The following SOX5 variants were observed in gnomAD, a reference collection of about 807,000 sequenced individuals.
SOX5 encodes transcription factor SOX-5.
Under a neutral mutation model 92.0 loss-of-function variants are expected in SOX5, and 9 were observed. The observed-to-expected ratio is 0.10, with a 90% CI of 0.06 to 0.17. SOX5 has a LOEUF of 0.17. SOX5 is among the 10% of genes least tolerant of loss of function. The pLI, the probability that SOX5 is intolerant of heterozygous loss-of-function variation, is 1.00. For synonymous variants in SOX5, 344 were observed against 336.3 expected (o/e 1.02, Z -0.25); for missense variants, 642 against 944.5 (o/e 0.68, Z 4.20).
intron 4 of SOX5, among the ~76,000 whole-genome samples, chr12:24,010,541 A>G (rs1952793436): frequency 6.6e-6 from 1 of 152,250 alleles, no homozygotes; most frequent in African/African-American, 2.4e-5. Context: ...CACAATCATA[A>G]TCCAGGGCCA....
intron 4 of SOX5, among the ~76,000 whole-genome samples, chr12:23,991,002 C>G (rs1032442665): frequency 6.6e-6 from 1 of 151,412 alleles, no homozygotes; most frequent in Non-Finnish European, 1.5e-5. Flanking sequence ...TTGGAAGATC[C>G]TTTATCCAAA....
intron 4 of SOX5, among the ~76,000 whole-genome samples, chr12:24,143,619 AC>A (rs1950786907): frequency 6.6e-6 from 1 of 152,200 alleles, no homozygotes; most frequent in Non-Finnish European, 1.5e-5. Flanking sequence ...AACAGGTAAG[AC>A]ACTAGAGGGA....
At chr12:23,884,712 T>C (rs1450570962) in intron 2 of SOX5, among the ~76,000 whole-genome samples, 3 of 152,230 alleles carry the variant, frequency 2.0e-5, no homozygotes, top group African/African-American at 4.8e-5. Context: ...CCAAACTGTA[T>C]CATTTATTTA....
intron 11 of SOX5, among the ~76,000 whole-genome samples, 168 bp from the exon 12 acceptor site, chr12:23,546,592 A>G (rs534151269): frequency 6.6e-6 from 1 of 152,302 alleles, no homozygotes; most frequent in South Asian, 2.1e-4. Flanking sequence ...GGGGATGATC[A>G]GCACGATTTT....
chr12:24,253,846 T>C (rs575958455), intron 3 of SOX5, among the ~76,000 whole-genome samples: 1 of 152,342 alleles, frequency 6.6e-6, no homozygotes, highest in Admixed American at 6.5e-5. Flanking sequence ...AAAGTCTTAA[T>C]AAGGCTTTAT....
chr12:24,513,210 C>A lies in SOX5; in HGVS notation c.-251+49119G>T, dbSNP rs140322695. Among the ~76,000 whole-genome samples the A allele has an allele frequency of 1.1e-3, 161 of 152,262 alleles. 1 individual carries two copies. The highest frequency in any genetic ancestry group is 3.7e-3 in the African/African-American group (152 of 41,564). On this transcript the variant is annotated intron_variant, in intron 1 of 4. Coordinates refer to the SOX5 transcript ENST00000446891. Reference sequence around the variant, plus strand: ...GTGTTCTGAGCAGGATTAAGGTAGGCAAGGCTAAGCCGTGGTGTTCAGTAG... The same window carrying A: ...GTGTTCTGAGCAGGATTAAGGTAGGAAAGGCTAAGCCGTGGTGTTCAGTAG...
intron 2 of SOX5, among the ~76,000 whole-genome samples, chr12:24,363,348 C>A (rs796547014): frequency 6.6e-6 from 1 of 152,130 alleles, no homozygotes; most frequent in Admixed American, 6.5e-5. Context: ...GGAACACAGC[C>A]AGAAGCCATG....
chr12:24,366,561 T>C (rs1956190034), intron 2 of SOX5, among the ~76,000 whole-genome samples: 1 of 152,198 alleles, frequency 6.6e-6, no homozygotes, highest in Non-Finnish European at 1.5e-5. Context: ...GTTTACATTA[T>C]TTTAATTCAG....
chr12:24,433,965 A>C (rs1014515227), intron 1 of SOX5, among the ~76,000 whole-genome samples: 2 of 152,192 alleles, frequency 1.3e-5, no homozygotes, highest in African/African-American at 2.4e-5. Flanking sequence ...AGGAGAGGTC[A>C]GAGATAAAAA....
rs191686032 is a variant in SOX5, at chr12:23,551,061, C to T, written c.1489-4637G>A. ...ATGGATCAGCTATCATAATGGACAT[C>T]CCTGAAATAAAGCTCACAAAGCTAT... On this transcript the variant is annotated intron_variant, in intron 11 of 14. Transcript: ENST00000451604. Among the ~76,000 whole-genome samples the T allele has an allele frequency of 3.5e-4, 53 of 152,018 alleles. 1 individual carries two copies. The highest frequency in any genetic ancestry group is 2.9e-3 in the Admixed American group (44 of 15,248).
At chr12:24,528,478 C>G (rs772523318) in intron 1 of SOX5, among the ~76,000 whole-genome samples, 1 of 152,084 alleles carries the variant, frequency 6.6e-6, no homozygotes, top group Non-Finnish European at 1.5e-5. Flanking sequence ...TCAACATGAT[C>G]CAAAGCTTTG....
In SOX5 at chr12:24,476,005, A is replaced by AT. The variant is rs1555312735; in HGVS notation, c.-251+86323_-251+86324insA. Among the ~76,000 whole-genome samples the AT allele has an allele frequency of 1.2e-3, 112 of 95,460 alleles. No homozygotes were observed. The East Asian group carries it at 0.022, about 18-fold the overall frequency. The allele number at this position is 95,460 out of a possible 152,430, so 62.6% of individuals were successfully genotyped here. A position where few individuals can be genotyped will look rare whatever the true frequency, so the allele number is the denominator to read the frequency against. ...TCCGAAATACATTTAAAAAAAAAAA[A>AT]AAAAAAAAAGCAGAAGAGAAAATTT... On this transcript the variant is annotated intron_variant, in intron 1 of 4. Coordinates refer to the SOX5 transcript ENST00000446891.
intron 8 of SOX5, among the ~76,000 whole-genome samples, chr12:23,614,014 G>A (rs542639161): frequency 3.7e-4 from 57 of 152,258 alleles, no homozygotes; most frequent in Non-Finnish European, 5.9e-4. Context: ...GCCTGCGCCT[G>A]TGTCCCTCCT....
At chr12:23,593,805 T>C (rs1004615246) in intron 9 of SOX5, among the ~76,000 whole-genome samples, 4 of 151,974 alleles carry the variant, frequency 2.6e-5, no homozygotes, top group African/African-American at 9.7e-5. Context: ...ACAGGAGGTG[T>C]GACCTTTAAA....
chr12:24,172,172 C>G (rs1221391616), intron 4 of SOX5, among the ~76,000 whole-genome samples: 1 of 151,940 alleles, frequency 6.6e-6, no homozygotes, highest in Non-Finnish European at 1.5e-5. Flanking sequence ...ACTAAATTTG[C>G]ATTTAAATAA....
chr12:24,137,331 G>A (rs1206433524), intron 4 of SOX5, among the ~76,000 whole-genome samples: 1 of 152,064 alleles, frequency 6.6e-6, no homozygotes. Flanking sequence ...TCCCTTTGCT[G>A]AGCTGTGAAA....
At chr12:24,355,526 T>A (rs503684) in intron 2 of SOX5, among the ~76,000 whole-genome samples, 1 of 151,752 alleles carries the variant, frequency 6.6e-6, no homozygotes, top group Non-Finnish European at 1.5e-5. Flanking sequence ...CATTTTAAAA[T>A]GCCTTTAAGG....
chr12:24,417,667 T>C (rs1190230830), intron 1 of SOX5, among the ~76,000 whole-genome samples: 1 of 152,146 alleles, frequency 6.6e-6, no homozygotes. Flanking sequence ...GCAGAGCAGG[T>C]CATTGAAGGG....
intron 4 of SOX5, among the ~76,000 whole-genome samples, chr12:24,163,721 A>T (rs1953050804): frequency 6.6e-6 from 1 of 152,006 alleles, no homozygotes; most frequent in Non-Finnish European, 1.5e-5. Context: ...GCAGCAGCCA[A>T]TCAAATGATA....
Sources: gnomAD v4.1 joint callset for allele counts (sites outside exome capture counted in the v4.1 genomes callset) on GRCh38, gnomAD v4.1.1 for gene constraint, MANE v1.5 for transcripts, NCBI Gene and HGNC (gene_info 2026-07-23, HGNC 2026-07-21) for gene names.